SPEN: variants seen among roughly 807,000 people sequenced by gnomAD.
SPEN encodes the protein spen family transcriptional repressor.
In SPEN, 18 loss-of-function variants were observed where a neutral mutation model predicts 269.9. That is an observed-to-expected ratio of 0.07 (90% CI 0.05 to 0.10). The LOEUF is 0.10. SPEN is among the 10% of genes least tolerant of loss of function. SPEN has a pLI of 1.00. For missense variants in SPEN, 3,822 were observed against 4,631.2 expected (o/e 0.83, Z 5.07); for synonymous variants, 1,726 against 1,765.7 (o/e 0.98, Z 0.56).
Position 15,935,145 on chromosome 1 carries a change from G to C in SPEN, c.8905G>C (p.Glu2969Gln). The C allele has an allele frequency of 6.2e-7, 1 of 1,613,844 alleles. No homozygotes were observed. Among genetic ancestry groups the C allele is most frequent in the Non-Finnish European group, 8.5e-7 (1 of 1,179,942 alleles). Residue 2969 changes from glutamate to glutamine, a missense_variant, in exon 11 of 15, where the codon GAG (glutamate) becomes CAG (glutamine). Glu to Gln is a conservative substitution (Grantham distance 29, BLOSUM62 2). Transcript: ENST00000375759. The surrounding 1 kb of genome is among the most constrained non-coding windows in gnomAD (Gnocchi z 7.7). ...KLADPVTLKI[E>Q]TKVLQPANLG... ...TGCTGACCCCGTCACCCTTAAAATCGAGACCAAGGTCCTTCAGCCGGCCAA... is the reference window on the plus strand; with the variant it reads ...TGCTGACCCCGTCACCCTTAAAATCCAGACCAAGGTCCTTCAGCCGGCCAA...
At chr1:15,860,356 C>G (rs894923104) in intron 1 of SPEN, among the ~76,000 whole-genome samples, 27 of 150,412 alleles carry the variant, frequency 1.8e-4, no homozygotes, top group Admixed American at 1.5e-3. Context: ...CCTCTCATCT[C>G]AGCCTCCCAA....
Position 15,930,007 on chromosome 1 carries a change from A to G in SPEN, c.3767A>G (p.Glu1256Gly). Residue 1256 changes from glutamate to glycine, a missense_variant, in exon 11 of 15, where the codon GAA becomes GGA. This residue lies in a region of SPEN where 267 missense variants were observed against 315.5 expected (regional missense o/e 0.85). Transcript: ENST00000375759. This position sits in a 1 kb window ranked among gnomAD's most constrained non-coding sequence, Gnocchi z 5.3. The stretch of plus-strand genomic sequence containing the variant: ...TCACGCCAAATCAGCGAAGATTCTG[A>G]AAGGACTGGTGGTTCTCCCAGTGTC... ...RSSRQISEDS[E>G]RTGGSPSVRH... 1 of 1,614,160 alleles carries G rather than the reference A, an allele frequency of 6.2e-7. No homozygotes were observed. The highest frequency in any genetic ancestry group is 8.5e-7 in the Non-Finnish European group (1 of 1,180,042).
rs533924943 is a variant in SPEN, at chr1:15,858,251, G to GC, written c.83+10102dup. ...TTACAGGCATGAGTCACTGGGCCCA[G>GC]CAAAAAAAAAAAAAGTTCAGGATCA... On this transcript the variant is annotated intron_variant, in intron 1 of 14. Coordinates refer to ENST00000375759, the MANE Select transcript of SPEN (RefSeq NM_015001.3). 4.7e-4 allele frequency among the ~76,000 whole-genome samples: 16 copies of GC among 33,820 alleles called. No homozygotes were observed. In the South Asian group the frequency reaches 7.4e-3, roughly 16 times the overall value. The allele number at this position is 33,820 out of a possible 152,430, so 22.2% of individuals were successfully genotyped here.
chr1:15,874,236 T>G (rs1193982007), intron 2 of SPEN: 1 of 1,365,984 alleles, frequency 7.3e-7, no homozygotes, highest in Non-Finnish European at 9.8e-7. Context: ...TCACTAAGAT[T>G]TTTTTTTTCT....
chr1:15,873,338 T>C (rs2070600512), intron 2 of SPEN: 1 of 985,294 alleles, frequency 1.0e-6, no homozygotes, highest in South Asian at 4.7e-5. Flanking sequence ...GCTGATTGGA[T>C]ATCTGTTCCT....
intron 10 of SPEN, among the ~76,000 whole-genome samples, chr1:15,924,087 A>G (rs1431545794): frequency 2.0e-5 from 3 of 152,194 alleles, no homozygotes; most frequent in East Asian, 1.9e-4. Flanking sequence ...TCAAAGATCA[A>G]TACTCCTTTA....
chr1:15,852,618 A>G (rs942618299), intron 1 of SPEN, among the ~76,000 whole-genome samples: 2 of 152,032 alleles, frequency 1.3e-5, no homozygotes, highest in Non-Finnish European at 2.9e-5. Flanking sequence ...TTTTCTAACT[A>G]CCTTTGTTGC....
In SPEN at chr1:15,911,083, T is replaced by G. The variant is rs755234925; in HGVS notation, c.1043-18T>G. ...TAAATTAGAAGAATTAATAACTTGGTTTTTTTTGGGAATTTAGATACAAGC... is the reference window on the plus strand; with the variant it reads ...TAAATTAGAAGAATTAATAACTTGGGTTTTTTTGGGAATTTAGATACAAGC... On this transcript the variant is annotated intron_variant, in intron 4 of 14. Coordinates refer to ENST00000375759, the MANE Select transcript of SPEN (RefSeq NM_015001.3). 3 of 1,572,568 alleles carry G rather than the reference T, an allele frequency of 1.9e-6. No individual in the cohort carries two copies. The highest frequency in any genetic ancestry group is 1.2e-5 in the South Asian group (1 of 85,068).
intron 3 of SPEN, among the ~76,000 whole-genome samples, chr1:15,892,397 T>A (rs984196450): frequency 2.0e-5 from 3 of 152,212 alleles, no homozygotes; most frequent in Admixed American, 2.0e-4. Context: ...TGGACAGTGC[T>A]CTTCTAGAAG....
In SPEN at chr1:15,911,082, G is replaced by A. The variant is rs10927871; in HGVS notation, c.1043-19G>A. 3.8e-6 allele frequency: 6 copies of A among 1,571,428 alleles called. No homozygotes were observed. Among genetic ancestry groups the A allele is most frequent in the Non-Finnish European group, 5.2e-6 (6 of 1,156,310 alleles). ...TTAAATTAGAAGAATTAATAACTTG[G>A]TTTTTTTTGGGAATTTAGATACAAG... is the stretch of plus-strand genomic sequence containing the variant. On this transcript the variant is annotated intron_variant, in intron 4 of 14. Coordinates refer to ENST00000375759, the MANE Select transcript of SPEN (RefSeq NM_015001.3).
intron 3 of SPEN, among the ~76,000 whole-genome samples, chr1:15,908,694 G>T (rs750168233): frequency 1.3e-5 from 2 of 152,102 alleles, no homozygotes; most frequent in Non-Finnish European, 2.9e-5. Flanking sequence ...CATTACAGGC[G>T]TGAGCCACTG....
At chr1:15,891,743 G>A (rs2070791095) in intron 3 of SPEN, among the ~76,000 whole-genome samples, 1 of 151,510 alleles carries the variant, frequency 6.6e-6, no homozygotes. Flanking sequence ...TCCTGCCTTG[G>A]ACTCCCAAAG....
At position 15,847,983 on chromosome 1, in the gene SPEN, C is replaced by A; in HGVS notation, c.-85C>A. 1.1e-6 allele frequency: 1 copy of A among 921,284 alleles called. No homozygotes were observed. Among genetic ancestry groups the A allele is most frequent in the Non-Finnish European group, 1.4e-6 (1 of 699,604 alleles). 57.1% of individuals were successfully genotyped at this position (921,284 alleles called of 1,614,324 possible). On this transcript the variant is annotated 5_prime_UTR_variant, in exon 1 of 15. Coordinates refer to ENST00000375759, the MANE Select transcript of SPEN (RefSeq NM_015001.3). ...GCCGCAGCCGCCGCCGCCGCCGCCC[C>A]GGCACCCGCCTCCCGGCGCTGACGG...
At chr1:15,849,999 A>G (rs1352269920) in intron 1 of SPEN, among the ~76,000 whole-genome samples, 1 of 152,124 alleles carries the variant, frequency 6.6e-6, no homozygotes, top group Admixed American at 6.6e-5. Flanking sequence ...TTGCATGCTT[A>G]TGGCTGGGAG....
intron 1 of SPEN, among the ~76,000 whole-genome samples, chr1:15,867,662 A>G (rs998463661): frequency 2.0e-5 from 3 of 150,064 alleles, no homozygotes; most frequent in Admixed American, 6.6e-5. Flanking sequence ...CTCACCAGCA[A>G]TGTATGAGGG....
chr1:15,858,539 C>T (rs769210954), intron 1 of SPEN, among the ~76,000 whole-genome samples: 5 of 152,148 alleles, frequency 3.3e-5, no homozygotes, highest in Non-Finnish European at 5.9e-5. Flanking sequence ...CATAAGTACG[C>T]CCTGTTGTTT....
chr1:15,891,491 A>G (rs1461019995), intron 3 of SPEN, among the ~76,000 whole-genome samples: 2 of 151,584 alleles, frequency 1.3e-5, no homozygotes, highest in Non-Finnish European at 2.9e-5. Flanking sequence ...AGCTGGGACT[A>G]CAGGCACCCG....
At chr1:15,904,355 A>G (rs781519604) in intron 3 of SPEN, among the ~76,000 whole-genome samples, 1 of 149,112 alleles carries the variant, frequency 6.7e-6, no homozygotes, top group African/African-American at 2.5e-5. Context: ...CCAACAAACT[A>G]CTTGGGAGGC....
chr1:15,912,945 G>C lies in SPEN; in HGVS notation c.1243+1644G>C, dbSNP rs7525830. Among the ~76,000 whole-genome samples the C allele has an allele frequency of 7.0e-3, 1,060 of 152,268 alleles. 12 individuals carry two copies. The highest frequency in any genetic ancestry group is 0.024 in the African/African-American group (1,000 of 41,542). ...TTTACTGTAAAAAGCTTTTAACCTAGTTATTTAGCACCTAGGAAATAGGCT... is the reference window on the plus strand; with the variant it reads ...TTTACTGTAAAAAGCTTTTAACCTACTTATTTAGCACCTAGGAAATAGGCT... On this transcript the variant is annotated intron_variant, in intron 5 of 14. Transcript: ENST00000375759.
Sources: gnomAD v4.1 joint callset for allele counts (sites outside exome capture counted in the v4.1 genomes callset) on GRCh38, gnomAD v4.1.1 for gene constraint, gnomAD v4.1.1 regional missense constraint, Gnocchi (gnomAD v3.1) non-coding constraint, MANE v1.5 for transcripts, NCBI Gene and HGNC (gene_info 2026-07-23, HGNC 2026-07-21) for gene names.